Variants in ITGA6 observed in about 807,000 individuals in gnomAD.
The protein encoded by ITGA6 is integrin subunit alpha 6.
A neutral mutation model predicts 133.6 loss-of-function variants in ITGA6; 63 were observed. The ratio of observed to expected loss-of-function variants is 0.47; its 90% CI spans 0.38 to 0.58. ITGA6 has a LOEUF of 0.58. Among genes scored for constraint, ITGA6 ranks in the 20% least tolerant of loss-of-function variants. The probability of loss-of-function intolerance (pLI) is 0.00; values close to 1 mark genes in which losing one functional copy is unlikely to be tolerated. For missense variants in ITGA6, 1,068 were observed against 1,309.4 expected (o/e 0.82, Z 2.85); for synonymous variants, 434 against 482.0 (o/e 0.90, Z 1.30).
At chr2:172,453,171 T>C (rs1172011711) in intron 1 of ITGA6, among the ~76,000 whole-genome samples, 1 of 151,936 alleles carries the variant, frequency 6.6e-6, no homozygotes, top group African/African-American at 2.4e-5. Flanking sequence ...GACAAAACTT[T>C]TTGTTTAAAA....
In ITGA6 at chr2:172,491,629, C is replaced by T; in HGVS notation, c.2988+106C>T. The T allele has an allele frequency of 3.9e-6, 3 of 761,644 alleles. No homozygotes were observed. Among genetic ancestry groups the T allele is most frequent in the Non-Finnish European group, 4.6e-6 (2 of 433,854 alleles). 47.2% of individuals were successfully genotyped at this position (761,644 alleles called of 1,614,324 possible). A position where few individuals can be genotyped will look rare whatever the true frequency, so the allele number is the denominator to read the frequency against. On this transcript the variant is annotated intron_variant, in intron 23 of 25. Coordinates refer to ENST00000684293, the MANE Select transcript of ITGA6 (RefSeq NM_000210.4). The surrounding 1 kb of genome is among the most constrained non-coding windows in gnomAD (Gnocchi z 4.4). ...GCTTTGGTGCTCATTTCCCTCATAG[C>T]CCCATTACGGAGAAAACTGTCTTAA...
chr2:172,433,547 GT>G (rs1684195683), intron 1 of ITGA6, among the ~76,000 whole-genome samples: 1 of 152,168 alleles, frequency 6.6e-6, no homozygotes, highest in Admixed American at 6.5e-5. Context: ...CATTAGAATA[GT>G]CCTGGTCCAG....
At chr2:172,499,188 C>CA (rs1687250980) in intron 24 of ITGA6, among the ~76,000 whole-genome samples, 1 of 151,974 alleles carries the variant, frequency 6.6e-6, no homozygotes, top group South Asian at 2.1e-4. Context: ...CTGACTTTTG[C>CA]AAATTTGAGA....
chr2:172,494,894 C>CA (rs987511685), intron 23 of ITGA6, among the ~76,000 whole-genome samples: 20 of 151,852 alleles, frequency 1.3e-4, no homozygotes, highest in Admixed American at 6.5e-4. Flanking sequence ...TTAAAATGAC[C>CA]AAAAAAATGC....
At chr2:172,460,264 TG>T (rs1351390715) in intron 1 of ITGA6, among the ~76,000 whole-genome samples, 5 of 151,726 alleles carry the variant, frequency 3.3e-5, no homozygotes, top group Admixed American at 6.6e-5. Context: ...GTCCTGTAAG[TG>T]TAAAGGTGTA....
rs749442474 is a variant in ITGA6, at chr2:172,501,891, T to C, written c.*12T>C. ...CTTCTGATGCATAGTATTGATCTAC[T>C]TCTGTAATTGGTAATTGATCAATGT... On this transcript the variant is annotated 3_prime_UTR_variant, in exon 25 of 26. Coordinates refer to ENST00000684293, the MANE Select transcript of ITGA6 (RefSeq NM_000210.4). The C allele has an allele frequency of 6.2e-7, 1 of 1,611,744 alleles. No individual in the cohort carries two copies. The highest frequency in any genetic ancestry group is 8.5e-7 in the Non-Finnish European group (1 of 1,179,324).
chr2:172,478,713 T>G (rs1303011684), intron 9 of ITGA6, among the ~76,000 whole-genome samples: 1 of 152,138 alleles, frequency 6.6e-6, no homozygotes, highest in East Asian at 1.9e-4. Context: ...GGGAAGAAGT[T>G]TAAAAGTTTA....
chr2:172,459,992 A>T (rs1035773259), intron 1 of ITGA6, among the ~76,000 whole-genome samples: 12 of 152,220 alleles, frequency 7.9e-5, no homozygotes, highest in Non-Finnish European at 1.6e-4. Flanking sequence ...AAGAAAGGCA[A>T]TGAGAAAAGC....
In ITGA6 at chr2:172,489,640, A is replaced by C; in HGVS notation, c.2661A>C (p.Ile887=). 6.2e-7 allele frequency: 1 copy of C among 1,613,922 alleles called. No individual in the cohort carries two copies. ...TAACTTGTGAGCCACAAAAGGAGATAAACTCCCTGAACCTAACGGTATGTC... is the reference window on the plus strand; with the variant it reads ...TAACTTGTGAGCCACAAAAGGAGATCAACTCCCTGAACCTAACGGTATGTC... ...EKVTCEPQKE[I]NSLNLTESHN... Residue 887 remains isoleucine, a synonymous_variant, in exon 20 of 26, where the codon ATA becomes ATC. Transcript: ENST00000684293.
intron 1 of ITGA6, among the ~76,000 whole-genome samples, chr2:172,459,977 G>GA (rs1184447208): frequency 6.6e-6 from 1 of 151,982 alleles, no homozygotes; most frequent in Admixed American, 6.6e-5. Context: ...AACAATAGAA[G>GA]AAAAAAGAAA....
In ITGA6 at chr2:172,491,601, T is replaced by A; in HGVS notation, c.2988+78T>A. ...ACCCCACACTCATGTCCTGAAGTCA[T>A]GTGCTTTGGTGCTCATTTCCCTCAT... On this transcript the variant is annotated intron_variant, in intron 23 of 25. Transcript: ENST00000684293. This position sits in a 1 kb window ranked among gnomAD's most constrained non-coding sequence, Gnocchi z 4.4. 1.1e-6 allele frequency: 1 copy of A among 935,384 alleles called. No homozygotes were observed. The allele number at this position is 935,384 out of a possible 1,614,324, so 57.9% of individuals were successfully genotyped here.
At chr2:172,453,798 T>C (rs1478774318) in intron 1 of ITGA6, among the ~76,000 whole-genome samples, 1 of 152,248 alleles carries the variant, frequency 6.6e-6, no homozygotes, top group Non-Finnish European at 1.5e-5. Context: ...AGTTTGTCTT[T>C]TAATTGTGTA....
chr2:172,443,530 A>G (rs908787621), intron 1 of ITGA6, among the ~76,000 whole-genome samples: 15 of 151,914 alleles, frequency 9.9e-5, no homozygotes, highest in Non-Finnish European at 1.3e-4. Flanking sequence ...TTCTATCCTA[A>G]CCATCTGATA....
intron 1 of ITGA6, among the ~76,000 whole-genome samples, chr2:172,442,672 G>T (rs1290697884): frequency 6.6e-6 from 1 of 152,070 alleles, no homozygotes; most frequent in Non-Finnish European, 1.5e-5. Flanking sequence ...ACTCTTCATT[G>T]TAATGCCCCA....
rs766205542 is a variant in ITGA6 at position 172,479,654 on chromosome 2, A to T, written c.1402A>T (p.Ile468Phe). 4 of 1,613,896 alleles carry T rather than the reference A, an allele frequency of 2.5e-6. No homozygotes were observed. The South Asian group carries it at 4.4e-5, about 18-fold the overall frequency. ...TTTTGTCTTCAGATCCCGGCCTGTG[A>T]TTAATATTCAGAAAACCATCACAGT... ...SVTIFRSRPV[I>F]NIQKTITVTP... The change falls in exon 10 of 26, where the codon ATT becomes TTT. Residue 468 changes from isoleucine (I) to phenylalanine (F), a missense_variant. This residue lies in a region of ITGA6 where 317 missense variants were observed against 456.9 expected (regional missense o/e 0.69). Transcript: ENST00000684293.
chr2:172,439,445 A>G (rs1684453063), intron 1 of ITGA6, among the ~76,000 whole-genome samples: 1 of 151,818 alleles, frequency 6.6e-6, no homozygotes, highest in Non-Finnish European at 1.5e-5. Context: ...GAAATAGAAT[A>G]TCTTTGGAAT....
At chr2:172,479,836 G>T (rs978522711) in intron 10 of ITGA6, 97 bp downstream of exon 10, 2 of 1,230,894 alleles carry the variant, frequency 1.6e-6, no homozygotes, top group East Asian at 2.3e-5. Context: ...AAGATGACAG[G>T]AGTGCTGGGC....
At chr2:172,441,847 T>A (rs999740345) in intron 1 of ITGA6, among the ~76,000 whole-genome samples, 5 of 152,172 alleles carry the variant, frequency 3.3e-5, no homozygotes, top group Admixed American at 3.3e-4. Flanking sequence ...TACAATTCCC[T>A]TCTTGTCCTG....
At chr2:172,496,866 T>A (rs2149093506) in intron 23 of ITGA6, among the ~76,000 whole-genome samples, 1 of 152,350 alleles carries the variant, frequency 6.6e-6, no homozygotes, top group South Asian at 2.1e-4. Flanking sequence ...GGTTTCTGAG[T>A]AAACACCATT....
Sources: allele counts gnomAD v4.1 joint callset (sites outside exome capture counted in the v4.1 genomes callset), GRCh38; gene constraint gnomAD v4.1.1; regional missense constraint gnomAD v4.1.1; non-coding constraint Gnocchi (gnomAD v3.1); transcripts MANE v1.5; gene names NCBI Gene and HGNC (gene_info 2026-07-23, HGNC 2026-07-21).